NPM2: variants seen among roughly 807,000 people sequenced by gnomAD.
The protein encoded by NPM2 is nucleoplasmin-2.
Under a neutral mutation model 32.0 loss-of-function variants are expected in NPM2, and 25 were observed. That is an observed-to-expected ratio of 0.78 (90% CI 0.57 to 1.09). NPM2 has a LOEUF of 1.09. Among genes scored for constraint, NPM2 ranks in the 50% least tolerant of loss-of-function variants. The pLI is 0.00. For synonymous variants in NPM2, 111 were observed against 94.2 expected (o/e 1.18, Z -1.04); for missense variants, 282 against 259.9 (o/e 1.08, Z -0.58).
chr8:22,034,577 T>C, intron 8 of NPM2, 33 bp downstream of exon 8: 2 of 1,554,002 alleles, frequency 1.3e-6, no homozygotes, highest in Non-Finnish European at 1.8e-6. Context: ...TTAGCCAAAG[T>C]CTCCAGCTGA....
At chr8:22,030,474 A>G (rs913382005) in intron 5 of NPM2, among the ~76,000 whole-genome samples, 2 of 151,874 alleles carry the variant, frequency 1.3e-5, no homozygotes, top group Admixed American at 6.6e-5. Flanking sequence ...TTCTGACTTC[A>G]AGCACTCCTC....
At chr8:22,025,094 G>A in intron 2 of NPM2, 122 bp from the exon 3 acceptor site, 2 of 740,434 alleles carry the variant, frequency 2.7e-6, no homozygotes. Context: ...CCTTGACCGT[G>A]GCAGGTCCCC....
At chr8:22,032,509 G>A (rs1474650185) in intron 5 of NPM2, among the ~76,000 whole-genome samples, 2 of 152,106 alleles carry the variant, frequency 1.3e-5, no homozygotes, top group Non-Finnish European at 2.9e-5. Flanking sequence ...TCGTTTGATC[G>A]GTGTCTCAGT....
intron 5 of NPM2, among the ~76,000 whole-genome samples, chr8:22,030,451 G>A (rs1322021682): frequency 6.6e-6 from 1 of 151,770 alleles, no homozygotes; most frequent in East Asian, 1.9e-4. Flanking sequence ...TGTTATCCAG[G>A]CTGGTTTCTA....
chr8:22,036,250 AAAAC>A, intron 8 of NPM2: 1 of 473,704 alleles, frequency 2.1e-6, no homozygotes, highest in East Asian at 3.7e-5. Context: ...CTCCATCTCA[AAAAC>A]AAAACAAAAC....
At position 22,027,227 on chromosome 8, in the gene NPM2, T is replaced by G. The variant is rs569278053; in HGVS notation, c.270+1455T>G. On this transcript the variant is annotated intron_variant, in intron 5 of 9. Transcript: ENST00000518119. ...CTCATGCACTGAGGGTGGAGGGTTC[T>G]CTCCTATTCCCTGGAACAGTGAATG... Among the ~76,000 whole-genome samples the G allele has an allele frequency of 1.1e-4, 16 of 152,326 alleles. 1 individual carries two copies. The highest frequency in any genetic ancestry group is 1.0e-3 in the Admixed American group (16 of 15,296).
At chr8:22,030,555 T>C (rs1267028623) in intron 5 of NPM2, among the ~76,000 whole-genome samples, 1 of 152,228 alleles carries the variant, frequency 6.6e-6, no homozygotes, top group African/African-American at 2.4e-5. Context: ...TTTGGGTGTT[T>C]TATATCTAGA....
At position 22,036,884 on chromosome 8, in the gene NPM2, T is replaced by G; in HGVS notation, c.*202T>G. 1 of 569,340 alleles carries G rather than the reference T, an allele frequency of 1.8e-6. No individual in the cohort carries two copies. The highest frequency in any genetic ancestry group is 3.0e-6 in the Non-Finnish European group (1 of 330,148). The allele number at this position is 569,340 out of a possible 1,614,324, so 35.3% of individuals were successfully genotyped here. On this transcript the variant is annotated 3_prime_UTR_variant, in exon 10 of 10. Coordinates refer to ENST00000518119, the MANE Select transcript of NPM2 (RefSeq NM_001286680.2). ...GCCCCACCTCGGGGTCACAATAAAG[T>G]TGCCTGGTCAGGACTTTCCTTCTCT...
At chr8:22,027,244 C>T (rs1800285546) in intron 5 of NPM2, among the ~76,000 whole-genome samples, 1 of 152,188 alleles carries the variant, frequency 6.6e-6, no homozygotes, top group Non-Finnish European at 1.5e-5. Context: ...TTCCCTGGAA[C>T]AGTGAATGGA....
rs769181293 is a variant in NPM2 at position 22,025,484 on chromosome 8, T to A, written c.107T>A (p.Leu36Gln). The change falls in exon 4 of 10, where the codon CTG becomes CAG. Residue 36 changes from leucine to glutamine, a missense_variant. Coordinates refer to ENST00000518119, the MANE Select transcript of NPM2 (RefSeq NM_001286680.2). ...CGGACTTGGACCTTCAGACCCCAGC[T>A]GGAGGGGAAGCAGAGCTGCAGGCTG... ...ERRTWTFRPQ[L>Q]EGKQSCRLLL... 1 of 1,614,098 alleles carries A rather than the reference T, an allele frequency of 6.2e-7. No individual in the cohort carries two copies. Among genetic ancestry groups the A allele is most frequent in the Non-Finnish European group, 8.5e-7 (1 of 1,180,014 alleles).
intron 7 of NPM2, 82 bp from the exon 8 acceptor site, chr8:22,034,428 G>A (rs10089142): frequency 0.77 from 1,085,215 of 1,407,252 alleles, 421,266 homozygotes; most frequent in East Asian, 0.93. Flanking sequence ...GGAGCTCAGC[G>A]GGGACCTTGT....
intron 5 of NPM2, among the ~76,000 whole-genome samples, chr8:22,028,472 C>T (rs994620856): frequency 1.5e-5 from 2 of 136,068 alleles, no homozygotes; most frequent in Non-Finnish European, 3.1e-5. Context: ...GCGCTCCCCA[C>T]CATGCCCAGC....
chr8:22,029,856 C>A (rs892014247), intron 5 of NPM2, among the ~76,000 whole-genome samples: 2 of 152,062 alleles, frequency 1.3e-5, no homozygotes, highest in African/African-American at 2.4e-5. Context: ...TTGGAGATGT[C>A]TTTCCTCTCT....
chr8:22,034,527 A>G lies in NPM2; in HGVS notation c.549A>G (p.Lys183=). The G allele has an allele frequency of 1.2e-6, 2 of 1,611,832 alleles. No individual in the cohort carries two copies. Among genetic ancestry groups the G allele is most frequent in the Non-Finnish European group, 1.7e-6 (2 of 1,178,228 alleles). The change falls in exon 8 of 10, where the codon AAA becomes AAG. Residue 183 remains lysine, a synonymous_variant. Coordinates refer to ENST00000518119, the MANE Select transcript of NPM2 (RefSeq NM_001286680.2). ...ASVAKKKKLE[K]EEEEIRASVR... ...GTTCCCAGAAAAAAAAGCTGGAAAA[A>G]GAAGAAGAGGAAATAAGGTAACTCT...
rs554922818 is a variant in NPM2, at chr8:22,025,876, A to G, written c.270+104A>G. ...TGCATTCACCCTACAGAAATGAGCC[A>G]TGCTAGGGAGGTAGCACAGCCCATG... On this transcript the variant is annotated intron_variant, in intron 5 of 9. Coordinates refer to ENST00000518119, the MANE Select transcript of NPM2 (RefSeq NM_001286680.2). 3.3e-6 allele frequency: 5 copies of G among 1,526,744 alleles called. No individual in the cohort carries two copies. In the South Asian group the frequency reaches 5.9e-5, roughly 18 times the overall value. 94.6% of individuals were successfully genotyped at this position (1,526,744 alleles called of 1,614,324 possible). A position where few individuals can be genotyped will look rare whatever the true frequency, so the allele number is the denominator to read the frequency against.
At position 22,025,215 on chromosome 8, in the gene NPM2, G is replaced by A; in HGVS notation, c.-33-1G>A. The A allele has an allele frequency of 6.2e-7, 1 of 1,603,488 alleles. No homozygotes were observed. Among genetic ancestry groups the A allele is most frequent in the Non-Finnish European group, 8.5e-7 (1 of 1,177,074 alleles). ...GCCTCACGCGGGCGCCCTCCTTGCA[G>A]CTGCCCGGCCAGCCCGCTTCTCTGC... On this transcript the variant is annotated splice_acceptor_variant, in intron 2 of 9. Coordinates refer to ENST00000518119, the MANE Select transcript of NPM2 (RefSeq NM_001286680.2). LOFTEE classifies it low-confidence loss of function (5UTR_SPLICE).
chr8:22,036,447 C>A, intron 8 of NPM2, 46 bp from the exon 9 acceptor site: 1 of 1,582,560 alleles, frequency 6.3e-7, no homozygotes, highest in Non-Finnish European at 8.6e-7. Context: ...GCTGAGCTCT[C>A]TCCCTGACCC....
rs933113581 is a variant in NPM2, at chr8:22,036,783, C to A, written c.*101C>A. The A allele has an allele frequency of 4.1e-6, 5 of 1,216,110 alleles. No homozygotes were observed. In the African/African-American group the frequency reaches 6.2e-5, roughly 15 times the overall value. The allele number at this position is 1,216,110 out of a possible 1,614,324, so 75.3% of individuals were successfully genotyped here. On this transcript the variant is annotated 3_prime_UTR_variant, in exon 10 of 10. Coordinates refer to ENST00000518119, the MANE Select transcript of NPM2 (RefSeq NM_001286680.2). ...CAGCCCCTCCACCTGTGTCTGAATG[C>A]AACAGGGGTGTTGCGGGGGCAACAT...
Position 22,036,719 on chromosome 8 carries a change from C to T in NPM2, c.*37C>T. On this transcript the variant is annotated 3_prime_UTR_variant, in exon 10 of 10. Coordinates refer to ENST00000518119, the MANE Select transcript of NPM2 (RefSeq NM_001286680.2). ...TTGGGGGGCACGGTGCAAAGTGGGC[C>T]TTCCCTGGGCTGTGCTGCAGGCACA... 2 of 1,526,566 alleles carry T rather than the reference C, an allele frequency of 1.3e-6. No homozygotes were observed. Among genetic ancestry groups the T allele is most frequent in the Non-Finnish European group, 1.8e-6 (2 of 1,138,706 alleles). 94.6% of individuals were successfully genotyped at this position (1,526,566 alleles called of 1,614,324 possible).
Sources: allele counts gnomAD v4.1 joint callset (sites outside exome capture counted in the v4.1 genomes callset), GRCh38; gene constraint gnomAD v4.1.1; transcripts MANE v1.5; gene names NCBI Gene and HGNC (gene_info 2026-07-23, HGNC 2026-07-21).